CAGE1: variants seen among roughly 807,000 people sequenced by gnomAD.
The protein encoded by CAGE1 is cancer-associated gene 1 protein.
In CAGE1, 66 loss-of-function variants were observed where a neutral mutation model predicts 94.9. The ratio of observed to expected loss-of-function variants is 0.70; its 90% confidence interval spans 0.57 to 0.85. The LOEUF is 0.85. CAGE1 is among the 40% of genes least tolerant of loss of function. CAGE1 has a pLI of 0.00. For synonymous variants in CAGE1, 319 were observed against 321.0 expected (o/e 0.99, Z 0.07); for missense variants, 865 against 950.4 (o/e 0.91, Z 1.18).
At chr6:7,345,762 A>C (rs2714323) in intron 11 of CAGE1, among the ~76,000 whole-genome samples, 20,058 of 151,552 alleles carry the variant, frequency 0.13, 1,576 homozygotes, top group East Asian at 0.31. Flanking sequence ...TCTCTACTAA[A>C]AATACAAAAA....
Position 7,389,617 on chromosome 6 carries a change from G to C in CAGE1, c.-439C>G, listed in dbSNP as rs2113489762. 2.9e-6 allele frequency: 1 copy of C among 350,618 alleles called. No homozygotes were observed. The highest frequency in any genetic ancestry group is 2.5e-5 in the South Asian group (1 of 40,114). 21.7% of individuals were successfully genotyped at this position (350,618 alleles called of 1,614,324 possible). A position where few individuals can be genotyped will look rare whatever the true frequency, so the allele number is the denominator to read the frequency against. ...TCCTGCCGCAGTAAACACAAAGTGGGGTACAGAAACGAAAACTCCGGGAAG... is the reference window on the plus strand; with the variant it reads ...TCCTGCCGCAGTAAACACAAAGTGGCGTACAGAAACGAAAACTCCGGGAAG... On this transcript the variant is annotated 5_prime_UTR_variant, in exon 1 of 14. Coordinates refer to ENST00000502583, the MANE Select transcript of CAGE1 (RefSeq NM_001170692.2).
chr6:7,344,905 C>A (rs982658694), intron 11 of CAGE1, among the ~76,000 whole-genome samples: 6 of 152,120 alleles, frequency 3.9e-5, no homozygotes, highest in African/African-American at 1.4e-4. Flanking sequence ...CTGGTGGGGA[C>A]GTGCAGAACC....
At chr6:7,380,491 G>T (rs921237092) in intron 3 of CAGE1, among the ~76,000 whole-genome samples, 5 of 152,002 alleles carry the variant, frequency 3.3e-5, no homozygotes, top group Non-Finnish European at 7.4e-5. Flanking sequence ...ACAAAACTTA[G>T]TGGGGCGTGG....
At chr6:7,345,737 C>T (rs1343633427) in intron 11 of CAGE1, among the ~76,000 whole-genome samples, 1 of 151,800 alleles carries the variant, frequency 6.6e-6, no homozygotes, top group Non-Finnish European at 1.5e-5. Flanking sequence ...ACCATCCTGG[C>T]TGACTAAAAC....
At chr6:7,335,030 A>T (rs955780854) in intron 11 of CAGE1, among the ~76,000 whole-genome samples, 3 of 152,178 alleles carry the variant, frequency 2.0e-5, no homozygotes, top group African/African-American at 7.2e-5. Flanking sequence ...AGAATCCTTC[A>T]CCTGGCCTCA....
At chr6:7,352,494 A>G (rs1261552142) in intron 11 of CAGE1, among the ~76,000 whole-genome samples, 1 of 152,068 alleles carries the variant, frequency 6.6e-6, no homozygotes, top group Non-Finnish European at 1.5e-5. Flanking sequence ...AATGCAATAC[A>G]ATCCCCATCA....
In CAGE1 at chr6:7,362,622, T is replaced by C. The variant is rs978942011; in HGVS notation, c.2193+2846A>G. ...AGGACATGAGAGAAGCACGCGACGA[T>C]GTGCCAAGGGAAGCATGAGCATCAC... On this transcript the variant is annotated intron_variant, in intron 9 of 13. Transcript: ENST00000502583. This position sits in a 1 kb window ranked among gnomAD's most constrained non-coding sequence, Gnocchi z 4.1. 6.6e-6 allele frequency among the ~76,000 whole-genome samples: 1 copy of C among 152,184 alleles called. No homozygotes were observed. Among genetic ancestry groups the C allele is most frequent in the Non-Finnish European group, 1.5e-5 (1 of 68,040 alleles).
intron 10 of CAGE1, 45 bp from the exon 11 acceptor site, chr6:7,355,156 T>C: frequency 7.1e-7 from 1 of 1,402,268 alleles, no homozygotes; most frequent in Non-Finnish European, 9.8e-7. Flanking sequence ...TTCTAGAATT[T>C]TTATTTTTTT....
At position 7,326,856 on chromosome 6, in the gene CAGE1, G is replaced by A. The variant is rs752729773; in HGVS notation, c.*2C>T. On this transcript the variant is annotated 3_prime_UTR_variant, in exon 14 of 14. Coordinates refer to ENST00000502583, the MANE Select transcript of CAGE1 (RefSeq NM_001170692.2). The stretch of plus-strand genomic sequence containing the variant: ...TGATTACTGTTTAATCTTCAGGCTT[G>A]TTTAATCTAAATCATTTCTATTTTC... 24 of 1,565,828 alleles carry A rather than the reference G, an allele frequency of 1.5e-5. No individual in the cohort carries two copies. The South Asian group carries it at 2.6e-4, about 17-fold the overall frequency.
At chr6:7,346,451 A>C (rs1318320648) in intron 11 of CAGE1, among the ~76,000 whole-genome samples, 1 of 152,134 alleles carries the variant, frequency 6.6e-6, no homozygotes, top group Non-Finnish European at 1.5e-5. Context: ...TGGGAGGCTG[A>C]GGTGGGAGGA....
intron 4 of CAGE1, among the ~76,000 whole-genome samples, chr6:7,377,422 T>C (rs1326679038): frequency 6.6e-6 from 1 of 152,156 alleles, no homozygotes; most frequent in Non-Finnish European, 1.5e-5. Context: ...ATTATAGTCA[T>C]AGTGTTTCCC....
chr6:7,379,754 A>C (rs1004876720), intron 3 of CAGE1, among the ~76,000 whole-genome samples: 2 of 152,084 alleles, frequency 1.3e-5, no homozygotes. Flanking sequence ...ATGTATCCTA[A>C]ATAATAAAAT....
At chr6:7,384,808 G>A (rs1029331620) in intron 3 of CAGE1, among the ~76,000 whole-genome samples, 2 of 151,314 alleles carry the variant, frequency 1.3e-5, no homozygotes, top group African/African-American at 2.4e-5. Context: ...TCAGCCTCCC[G>A]CGCTCAGGTA....
intron 11 of CAGE1, among the ~76,000 whole-genome samples, chr6:7,335,993 T>C (rs955543186): frequency 1.3e-5 from 2 of 152,220 alleles, no homozygotes; most frequent in Admixed American, 6.5e-5. Flanking sequence ...ACAAAACACA[T>C]ATACCCTAGA....
chr6:7,351,830 A>G (rs1427116039), intron 11 of CAGE1, among the ~76,000 whole-genome samples: 2 of 152,250 alleles, frequency 1.3e-5, no homozygotes, highest in Non-Finnish European at 2.9e-5. Flanking sequence ...AAAATCTAGC[A>G]TCCCTTTATG....
In CAGE1 at chr6:7,373,671, T is replaced by C; in HGVS notation, c.1148A>G (p.Gln383Arg). ...LEKNDTKKTL[Q>R]NLEEVLANTQ... The stretch of plus-strand genomic sequence containing the variant: ...GTTAGCTAAAACCTCTTCCAAATTC[T>C]GCAATGTCTTTTTAGTATCATTCTT... The change falls in exon 5 of 14, where the codon CAG becomes CGG. Residue 383 changes from glutamine (Q) to arginine (R), a missense_variant. Transcript: ENST00000502583. The C allele has an allele frequency of 6.2e-7, 1 of 1,613,310 alleles. No homozygotes were observed. Among genetic ancestry groups the C allele is most frequent in the Non-Finnish European group, 8.5e-7 (1 of 1,179,534 alleles).
At chr6:7,342,292 C>T (rs1009075577) in intron 11 of CAGE1, among the ~76,000 whole-genome samples, 4 of 152,218 alleles carry the variant, frequency 2.6e-5, no homozygotes, top group African/African-American at 4.8e-5. Flanking sequence ...GCACATTAAG[C>T]GACCCAGAAG....
At chr6:7,333,569 CTTGT>C in intron 12 of CAGE1, among the ~76,000 whole-genome samples, 1 of 145,466 alleles carries the variant, frequency 6.9e-6, no homozygotes, top group East Asian at 2.0e-4. Flanking sequence ...ATATAATTAT[CTTGT>C]TTACCTTAAA....
chr6:7,359,534 C>T (rs893829309), intron 9 of CAGE1, among the ~76,000 whole-genome samples: 1 of 152,162 alleles, frequency 6.6e-6, no homozygotes, highest in Non-Finnish European at 1.5e-5. Flanking sequence ...AGGCTGAACA[C>T]ACATGTTGGG....
Sources: gnomAD v4.1 joint callset for allele counts (sites outside exome capture counted in the v4.1 genomes callset) on GRCh38, gnomAD v4.1.1 for gene constraint, Gnocchi (gnomAD v3.1) non-coding constraint, MANE v1.5 for transcripts, NCBI Gene and HGNC (gene_info 2026-07-23, HGNC 2026-07-21) for gene names.